PRKAR1B: variants seen among roughly 807,000 people sequenced by gnomAD.
The protein encoded by PRKAR1B is cAMP-dependent protein kinase type I-beta regulatory subunit.
A neutral mutation model predicts 46.5 loss-of-function variants in PRKAR1B; 22 were observed. The ratio of observed to expected loss-of-function variants is 0.47; its 90% CI spans 0.34 to 0.68. The LOEUF (loss-of-function observed/expected upper bound fraction) is 0.68, where lower values mean the gene tolerates loss of function less well. PRKAR1B is among the 30% of genes least tolerant of loss of function. The pLI is 0.01. For missense variants in PRKAR1B, 445 were observed against 535.6 expected (o/e 0.83, Z 1.67); for synonymous variants, 259 against 217.7 (o/e 1.19, Z -1.67).
At chr7:647,148 C>T (rs953667562) in intron 4 of PRKAR1B, among the ~76,000 whole-genome samples, 1 of 152,204 alleles carries the variant, frequency 6.6e-6, no homozygotes, top group Admixed American at 6.5e-5. Flanking sequence ...ACTCTTGTGG[C>T]CAAAACCAGC....
At chr7:716,052 T>G (rs1320082790) in intron 1 of PRKAR1B, among the ~76,000 whole-genome samples, 1 of 151,190 alleles carries the variant, frequency 6.6e-6, no homozygotes, top group Non-Finnish European at 1.5e-5. Context: ...TTTAAATCTT[T>G]TTGTTGTTGT....
In PRKAR1B at chr7:644,938, A is replaced by G. The variant is rs73046052; in HGVS notation, c.440+32291T>C. ...CGATGGGGAGATGTGAGACCCTGAA[A>G]AGGTGACCCAAGACAAGCCTCTTCT... On this transcript the variant is annotated intron_variant, in intron 4 of 10. Transcript: ENST00000537384. The surrounding 1 kb of genome is among the most constrained non-coding windows in gnomAD (Gnocchi z 4.9). 0.14 allele frequency among the ~76,000 whole-genome samples: 21,778 copies of G among 152,186 alleles called. 1,649 individuals carry two copies. The highest frequency in any genetic ancestry group is 0.29 in the South Asian group (1,408 of 4,822).
chr7:583,531 C>CCACGCACACACGTGTGCACATACCCA (rs565707250), intron 8 of PRKAR1B, among the ~76,000 whole-genome samples: 2 of 126,058 alleles, frequency 1.6e-5, no homozygotes, highest in East Asian at 4.6e-4. Context: ...GTGCACACAC[C>CCACGCACACACGTGTGCACATACCCA]CACTCACACA....
intron 4 of PRKAR1B, among the ~76,000 whole-genome samples, chr7:657,444 A>T (rs974609994): frequency 6.6e-6 from 1 of 152,184 alleles, no homozygotes; most frequent in Non-Finnish European, 1.5e-5. Flanking sequence ...TGAATGATTC[A>T]TGCTGACCTC....
chr7:595,138 C>A (rs1202977372), intron 7 of PRKAR1B, among the ~76,000 whole-genome samples: 5 of 152,192 alleles, frequency 3.3e-5, no homozygotes, highest in Admixed American at 6.5e-5. Context: ...CTCTGGACAG[C>A]GCCTCACTGC....
At chr7:685,385 C>CATAT (rs10586228) in intron 2 of PRKAR1B, among the ~76,000 whole-genome samples, 56,007 of 79,438 alleles carry the variant, frequency 0.71, 22,048 homozygotes, top group African/African-American at 0.73. Context: ...TATATACATA[C>CATAT]ATATATATAT....
chr7:580,060 C>T (rs774940210), intron 8 of PRKAR1B, among the ~76,000 whole-genome samples: 12 of 151,976 alleles, frequency 7.9e-5, no homozygotes, highest in Admixed American at 6.5e-4. Context: ...AGTGAGATCT[C>T]GTCTCTACAA....
intron 2 of PRKAR1B, among the ~76,000 whole-genome samples, chr7:708,646 C>T (rs886652720): frequency 9.2e-5 from 14 of 152,190 alleles, no homozygotes; most frequent in Non-Finnish European, 1.9e-4. Context: ...GCCACCACGC[C>T]CAGTTAATTT....
At chr7:577,383 C>T (rs1040532066) in intron 9 of PRKAR1B, among the ~76,000 whole-genome samples, 3 of 152,178 alleles carry the variant, frequency 2.0e-5, no homozygotes, top group East Asian at 1.9e-4. Flanking sequence ...CCCTGACGCA[C>T]GCATTTCCCG....
At chr7:561,620 C>G (rs1345504318) in intron 9 of PRKAR1B, among the ~76,000 whole-genome samples, 3 of 152,218 alleles carry the variant, frequency 2.0e-5, no homozygotes, top group Non-Finnish European at 4.4e-5. Flanking sequence ...TCCTCAGGCC[C>G]GGCTGGCCGA....
At chr7:665,423 C>T (rs1785853087) in intron 4 of PRKAR1B, among the ~76,000 whole-genome samples, 1 of 152,178 alleles carries the variant, frequency 6.6e-6, no homozygotes, top group African/African-American at 2.4e-5. Flanking sequence ...AGACAACATG[C>T]CCGAGGCCCA....
At chr7:576,251 G>A (rs556888912) in intron 9 of PRKAR1B, among the ~76,000 whole-genome samples, 12 of 152,272 alleles carry the variant, frequency 7.9e-5, no homozygotes, top group African/African-American at 2.9e-4. Context: ...GGGTGTGCAC[G>A]CTGGAATCAC....
At chr7:638,778 C>A (rs1204184729) in intron 4 of PRKAR1B, among the ~76,000 whole-genome samples, 3 of 152,194 alleles carry the variant, frequency 2.0e-5, no homozygotes, top group African/African-American at 7.2e-5. Flanking sequence ...GCTAAGCTGA[C>A]CCTAAAATTC....
At chr7:622,344 C>T (rs923430067) in intron 4 of PRKAR1B, among the ~76,000 whole-genome samples, 1 of 152,194 alleles carries the variant, frequency 6.6e-6, no homozygotes, top group African/African-American at 2.4e-5. Context: ...CAGGGCCTCC[C>T]GCTCACTCCT....
intron 6 of PRKAR1B, among the ~76,000 whole-genome samples, chr7:605,386 T>A (rs1211262443): frequency 6.6e-6 from 1 of 152,190 alleles, no homozygotes; most frequent in Non-Finnish European, 1.5e-5. Context: ...CAGCGGGGGA[T>A]GAGGGGGCCT....
chr7:697,020 T>C (rs903635097), intron 2 of PRKAR1B: 1 of 152,272 alleles, frequency 6.6e-6, no homozygotes, highest in Non-Finnish European at 1.5e-5. Flanking sequence ...GTTTTCATAC[T>C]GATGCATTGT....
intron 2 of PRKAR1B, among the ~76,000 whole-genome samples, chr7:706,422 A>ATTTTTTTTATTTT (rs1780326948): frequency 9.8e-6 from 1 of 102,298 alleles, no homozygotes; most frequent in Admixed American, 1.2e-4. Flanking sequence ...CAAATAAGGA[A>ATTTTTTTTATTTT]TTTTTTTTTT....
At chr7:630,299 C>T (rs559827250) in intron 4 of PRKAR1B, among the ~76,000 whole-genome samples, 10 of 152,324 alleles carry the variant, frequency 6.6e-5, no homozygotes, top group African/African-American at 2.2e-4. Context: ...CCAGCCCCAT[C>T]GGAGAGGCAA....
intron 2 of PRKAR1B, among the ~76,000 whole-genome samples, chr7:693,835 T>C (rs910713592): frequency 4.6e-5 from 7 of 152,198 alleles, no homozygotes; most frequent in Admixed American, 3.9e-4. Flanking sequence ...TTCCTTCCAC[T>C]GTGGCTGTAC....
Sources: gnomAD v4.1 joint callset for allele counts (sites outside exome capture counted in the v4.1 genomes callset) on GRCh38, gnomAD v4.1.1 for gene constraint, Gnocchi (gnomAD v3.1) non-coding constraint, MANE v1.5 for transcripts, NCBI Gene and HGNC (gene_info 2026-07-23, HGNC 2026-07-21) for gene names.